Variants in TENM3 observed in about 807,000 individuals in gnomAD.
The protein encoded by TENM3 is teneurin transmembrane protein 3.
A neutral mutation model predicts 255.1 loss-of-function variants in TENM3; 63 were observed. The ratio of observed to expected loss-of-function variants is 0.25; its 90% CI spans 0.20 to 0.30. TENM3 has a LOEUF of 0.30. TENM3 is among the 10% of genes least tolerant of loss of function. The probability of loss-of-function intolerance (pLI) is 1.00; values close to 1 mark genes in which losing one functional copy is unlikely to be tolerated. For missense variants in TENM3, 2,929 were observed against 3,461.1 expected, an observed-to-expected ratio of 0.85 and a Z score of 3.86; for synonymous variants, 1,306 against 1,322.3, an observed-to-expected ratio of 0.99 and a Z score of 0.27.
intron 24 of TENM3, among the ~76,000 whole-genome samples, chr4:182,777,547 CTTTTTTTTTTT>C (rs1157448732): frequency 6.6e-5 from 3 of 45,440 alleles, no homozygotes; most frequent in Admixed American, 3.3e-4. Flanking sequence ...GTGTGTATTT[CTTTTTTTTTTT>C]TTTTTTTTTT....
At chr4:182,730,441 A>G in intron 15 of TENM3, 122 bp downstream of exon 15, 1 of 1,108,014 alleles carries the variant, frequency 9.0e-7, no homozygotes. Context: ...TTTAGACTCT[A>G]CAAACTTGTG....
At chr4:182,225,356 G>A (rs1412575921) in intron 1 of TENM3, among the ~76,000 whole-genome samples, 3 of 152,090 alleles carry the variant, frequency 2.0e-5, no homozygotes, top group Non-Finnish European at 2.9e-5. Flanking sequence ...GTTGGAGCCT[G>A]GTCTCTGGAT....
At chr4:181,553,419 G>A in the TENM3 span, among the ~76,000 whole-genome samples, 1 of 151,838 alleles carries the variant, frequency 6.6e-6, no homozygotes, top group South Asian at 2.1e-4. Context: ...CAATTCAATG[G>A]TGAATGAGAT....
At chr4:182,714,060 T>C in intron 12 of TENM3, 27 bp from the exon 13 acceptor site, 1 of 1,608,628 alleles carries the variant, frequency 6.2e-7, no homozygotes, top group Non-Finnish European at 8.5e-7. Context: ...CTCAAATCAC[T>C]GGTGTTTTCC....
At chr4:181,493,441 AG>A in the TENM3 span, among the ~76,000 whole-genome samples, 1 of 152,144 alleles carries the variant, frequency 6.6e-6, no homozygotes, top group African/African-American at 2.4e-5. Flanking sequence ...TTAAGGTTAT[AG>A]AGGTACGACC....
At chr4:182,105,268 C>G in the TENM3 span, among the ~76,000 whole-genome samples, 2 of 152,240 alleles carry the variant, frequency 1.3e-5, no homozygotes, top group South Asian at 4.2e-4. Flanking sequence ...CTTTCTGATT[C>G]AGTAGGTTTG....
the TENM3 span, among the ~76,000 whole-genome samples, chr4:181,586,106 G>A: frequency 6.6e-6 from 1 of 152,156 alleles, no homozygotes; most frequent in East Asian, 1.9e-4. Context: ...TGGGATGGAG[G>A]GAAGGGGAAG....
intron 1 of TENM3, among the ~76,000 whole-genome samples, chr4:182,252,277 T>G (rs1475657109): frequency 6.6e-6 from 1 of 152,196 alleles, no homozygotes; most frequent in South Asian, 2.1e-4. Context: ...CACACGACTT[T>G]CTTTCATTAT....
the TENM3 span, among the ~76,000 whole-genome samples, chr4:181,844,572 G>A: frequency 1.3e-5 from 2 of 151,912 alleles, no homozygotes; most frequent in Non-Finnish European, 2.9e-5. Context: ...GGAGGCTGAG[G>A]CAGGAGAATG....
the TENM3 span, among the ~76,000 whole-genome samples, chr4:182,010,264 A>C: frequency 1.4e-4 from 21 of 152,290 alleles, no homozygotes; most frequent in Admixed American, 9.8e-4. Context: ...TTTTATTCTG[A>C]AAAAGAAAAC....
intron 1 of TENM3, among the ~76,000 whole-genome samples, chr4:182,187,323 G>A (rs2149770924): frequency 6.6e-6 from 1 of 152,298 alleles, no homozygotes; most frequent in South Asian, 2.1e-4. Context: ...CAGAACTCAT[G>A]TAGTAAATTT....
chr4:182,016,034 T>C, the TENM3 span, among the ~76,000 whole-genome samples: 2 of 152,228 alleles, frequency 1.3e-5, no homozygotes. Context: ...GGGAATCTGA[T>C]GTCATTTTCA....
chr4:181,491,747 T>C, the TENM3 span, among the ~76,000 whole-genome samples: 1 of 152,104 alleles, frequency 6.6e-6, no homozygotes, highest in Non-Finnish European at 1.5e-5. Context: ...AAATACATTA[T>C]TCTATGTATG....
chr4:181,695,101 T>C, the TENM3 span, among the ~76,000 whole-genome samples: 1 of 152,212 alleles, frequency 6.6e-6, no homozygotes, highest in Non-Finnish European at 1.5e-5. Flanking sequence ...TTCTGTTTGT[T>C]ATAATTGACT....
At chr4:182,002,279 G>A in the TENM3 span, among the ~76,000 whole-genome samples, 1 of 152,074 alleles carries the variant, frequency 6.6e-6, no homozygotes, top group Non-Finnish European at 1.5e-5. Context: ...CATGAAACAA[G>A]TCAGAGTTGA....
At chr4:181,702,340 C>T in the TENM3 span, among the ~76,000 whole-genome samples, 1 of 152,186 alleles carries the variant, frequency 6.6e-6, no homozygotes, top group Non-Finnish European at 1.5e-5. Context: ...TCAACACAAA[C>T]AGTAAGTGCT....
chr4:181,871,598 A>G, the TENM3 span, among the ~76,000 whole-genome samples: 11 of 152,228 alleles, frequency 7.2e-5, 1 homozygote, highest in African/African-American at 2.4e-4. Context: ...ACAATGTTGA[A>G]TAGAAGCGGT....
At chr4:182,561,977 T>TAGATAAAC (rs1553986574) in intron 3 of TENM3, among the ~76,000 whole-genome samples, 9 of 138,600 alleles carry the variant, frequency 6.5e-5, no homozygotes, top group Non-Finnish European at 1.4e-4. Flanking sequence ...TCCAGATAGA[T>TAGATAAAC]AGATAGACAG....
intron 3 of TENM3, among the ~76,000 whole-genome samples, chr4:182,355,469 A>C (rs778140706): frequency 5.9e-5 from 9 of 152,178 alleles, no homozygotes; most frequent in Admixed American, 3.3e-4. Context: ...TCTTTCCTCA[A>C]GGAGAGCAAC....
Sources: allele counts gnomAD v4.1 joint callset (sites outside exome capture counted in the v4.1 genomes callset), GRCh38; gene constraint gnomAD v4.1.1; transcripts MANE v1.5; gene names NCBI Gene and HGNC (gene_info 2026-07-23, HGNC 2026-07-21).